The following PDE1A variants were observed in gnomAD, a reference collection of about 807,000 sequenced individuals.
PDE1A encodes dual specificity calcium/calmodulin-dependent 3',5'-cyclic nucleotide phosphodiesterase 1A.
A neutral mutation model predicts 61.7 loss-of-function variants in PDE1A; 35 were observed. That is an observed-to-expected ratio of 0.57 (90% CI 0.43 to 0.75). The LOEUF (loss-of-function observed/expected upper bound fraction) is 0.75. Among genes scored for constraint, PDE1A ranks in the 30% least tolerant of loss-of-function variants. PDE1A has a pLI of 0.00. For missense variants in PDE1A, 597 were observed against 630.6 expected (o/e 0.95, Z 0.57); for synonymous variants, 232 against 213.2 (o/e 1.09, Z -0.77).
intron 2 of PDE1A, among the ~76,000 whole-genome samples, chr2:182,437,950 T>C (rs1225065805): frequency 6.6e-6 from 1 of 151,954 alleles, no homozygotes; most frequent in Admixed American, 6.6e-5. Context: ...TGCTGCTGTT[T>C]TGAATGTACA....
chr2:182,704,534 T>C, the PDE1A span, among the ~76,000 whole-genome samples: 14 of 152,354 alleles, frequency 9.2e-5, no homozygotes, highest in South Asian at 2.9e-3. Flanking sequence ...TAATCTTTGT[T>C]TATATGTGCT....
At chr2:182,529,361 T>G in the PDE1A span, among the ~76,000 whole-genome samples, 1 of 152,214 alleles carries the variant, frequency 6.6e-6, no homozygotes, top group Admixed American at 6.5e-5. Context: ...CCCTTTTGTT[T>G]TGGCCAATTT....
chr2:182,543,945 G>A, the PDE1A span, among the ~76,000 whole-genome samples: 1 of 152,068 alleles, frequency 6.6e-6, no homozygotes, highest in East Asian at 1.9e-4. Flanking sequence ...CTTCCTCTCT[G>A]TCTCTCCTTC....
intron 1 of PDE1A, among the ~76,000 whole-genome samples, chr2:182,266,314 GT>G (rs1248565456): frequency 6.6e-6 from 1 of 152,126 alleles, no homozygotes; most frequent in African/African-American, 2.4e-5. Flanking sequence ...ACCAAATGTG[GT>G]TATAATGGAT....
At chr2:182,502,145 C>T (rs1012195056) in intron 2 of PDE1A, among the ~76,000 whole-genome samples, 1 of 152,178 alleles carries the variant, frequency 6.6e-6, no homozygotes, top group Non-Finnish European at 1.5e-5. Context: ...TCTTTAATTT[C>T]GCTGAGTAAA....
At chr2:182,530,881 T>C in the PDE1A span, among the ~76,000 whole-genome samples, 2 of 124,852 alleles carry the variant, frequency 1.6e-5, no homozygotes, top group Non-Finnish European at 3.5e-5. Flanking sequence ...ATAGCCTTTC[T>C]TCATCCTCTT....
chr2:182,515,679 C>A (rs1690087749), intron 2 of PDE1A, among the ~76,000 whole-genome samples: 1 of 152,098 alleles, frequency 6.6e-6, no homozygotes, highest in Non-Finnish European at 1.5e-5. Flanking sequence ...AACTGATTTG[C>A]CTGATTAATC....
chr2:182,679,556 T>C, the PDE1A span, among the ~76,000 whole-genome samples: 1 of 152,020 alleles, frequency 6.6e-6, no homozygotes, highest in Non-Finnish European at 1.5e-5. Flanking sequence ...AACATCACAC[T>C]GTACCCACAA....
At chr2:182,705,114 G>A in the PDE1A span, among the ~76,000 whole-genome samples, 2 of 152,178 alleles carry the variant, frequency 1.3e-5, no homozygotes, top group African/African-American at 4.8e-5. Context: ...CTTTAAAAAT[G>A]TACCATGTGA....
intron 1 of PDE1A, among the ~76,000 whole-genome samples, chr2:182,290,660 A>C (rs1574265173): frequency 6.6e-6 from 1 of 151,782 alleles, no homozygotes; most frequent in South Asian, 2.1e-4. Context: ...ATTTTGCTCC[A>C]ATCTAATCCA....
At chr2:182,202,068 A>G (rs1429043941) in intron 8 of PDE1A, among the ~76,000 whole-genome samples, 3 of 152,242 alleles carry the variant, frequency 2.0e-5, no homozygotes, top group Non-Finnish European at 4.4e-5. Context: ...ACTCTTCTGC[A>G]GTCATAATTC....
the PDE1A span, among the ~76,000 whole-genome samples, chr2:182,696,839 T>C: frequency 1.3e-5 from 2 of 152,210 alleles, no homozygotes; most frequent in Non-Finnish European, 2.9e-5. Context: ...TGAAGCAATA[T>C]AATTTGTTAT....
chr2:182,502,020 C>A (rs1689109313), intron 2 of PDE1A, among the ~76,000 whole-genome samples: 1 of 152,294 alleles, frequency 6.6e-6, no homozygotes, highest in Non-Finnish European at 1.5e-5. Flanking sequence ...TTAAATACGA[C>A]ACCGCTGGCA....
upstream of PDE1A, among the ~76,000 whole-genome samples, chr2:182,524,333 C>A (rs569276747): frequency 1.5e-3 from 233 of 152,262 alleles, no homozygotes; most frequent in Middle Eastern, 3.4e-3. Context: ...GTCCTTGAGG[C>A]TATACAGATG....
the PDE1A span, among the ~76,000 whole-genome samples, chr2:182,626,752 T>TATATATACAC: frequency 4.6e-5 from 1 of 21,554 alleles, no homozygotes; most frequent in Non-Finnish European, 8.7e-5. Context: ...TATATACATA[T>TATATATACAC]ATATATATAC....
intron 2 of PDE1A, among the ~76,000 whole-genome samples, chr2:182,469,819 A>G (rs1686913082): frequency 1.3e-5 from 2 of 151,856 alleles, no homozygotes; most frequent in South Asian, 4.1e-4. Context: ...AAGGTTACTA[A>G]TTGGTCTAAT....
intron 13 of PDE1A, among the ~76,000 whole-genome samples, chr2:182,184,751 C>T (rs1685067351): frequency 6.6e-6 from 1 of 152,148 alleles, no homozygotes; most frequent in African/African-American, 2.4e-5. Context: ...TTTTGGCTCT[C>T]TGGTCTATTC....
the PDE1A span, among the ~76,000 whole-genome samples, chr2:182,662,348 A>T: frequency 2.0e-4 from 30 of 147,790 alleles, no homozygotes; most frequent in African/African-American, 7.3e-4. Flanking sequence ...AAAGAAAAAA[A>T]AAACAAAAAA....
chr2:182,242,920 C>T (rs79662808), intron 2 of PDE1A, among the ~76,000 whole-genome samples: 1 of 45,046 alleles, frequency 2.2e-5, no homozygotes, highest in Non-Finnish European at 4.6e-5. Context: ...CTCTCTCTCT[C>T]TCTCTCGTGT....
Sources: allele counts gnomAD v4.1 joint callset (sites outside exome capture counted in the v4.1 genomes callset), GRCh38; gene constraint gnomAD v4.1.1; transcripts MANE v1.5; gene names NCBI Gene and HGNC (gene_info 2026-07-23, HGNC 2026-07-21).